Variants in FGF12 observed in about 807,000 individuals in gnomAD.
FGF12 encodes the protein fibroblast growth factor 12B.
A neutral mutation model predicts 23.6 loss-of-function variants in FGF12; 14 were observed. The observed-to-expected ratio is 0.59, with a 90% CI of 0.39 to 0.93. The LOEUF is 0.93. Among genes scored for constraint, FGF12 ranks in the 40% least tolerant of loss-of-function variants. The pLI is 0.00. For synonymous variants in FGF12, 62 were observed against 77.3 expected, an observed-to-expected ratio of 0.80 and a Z score of 1.04; for missense variants, 175 against 217.8, an observed-to-expected ratio of 0.80 and a Z score of 1.24.
At chr3:192,621,159 G>A (rs139471916) in intron 2 of FGF12, among the ~76,000 whole-genome samples, 8 of 152,078 alleles carry the variant, frequency 5.3e-5, no homozygotes, top group East Asian at 1.9e-4. Flanking sequence ...TGATATGTGC[G>A]CTTTTCCCTC....
At chr3:192,158,430 T>TTTTTTC (rs1714634918) in intron 5 of FGF12, among the ~76,000 whole-genome samples, 1 of 143,932 alleles carries the variant, frequency 6.9e-6, no homozygotes, top group Non-Finnish European at 1.5e-5. Flanking sequence ...TCTTTTTCTT[T>TTTTTTC]TTTCTTTCTT....
chr3:192,702,274 A>G (rs1306870942), intron 2 of FGF12, among the ~76,000 whole-genome samples: 1 of 152,166 alleles, frequency 6.6e-6, no homozygotes, highest in Non-Finnish European at 1.5e-5. Flanking sequence ...TTCTATGGAC[A>G]CTTAGGTTGT....
At chr3:192,602,987 C>G (rs1577074522) in intron 2 of FGF12, among the ~76,000 whole-genome samples, 1 of 152,010 alleles carries the variant, frequency 6.6e-6, no homozygotes, top group South Asian at 2.1e-4. Context: ...ATTTAACATC[C>G]CCTCATGATA....
intron 2 of FGF12, among the ~76,000 whole-genome samples, chr3:192,504,179 G>A (rs1400074410): frequency 6.6e-6 from 1 of 151,986 alleles, no homozygotes; most frequent in African/African-American, 2.4e-5. Flanking sequence ...CGGACGCCAG[G>A]GCCTACTTGA....
At chr3:192,522,913 CAAG>C (rs1433936445) in intron 2 of FGF12, among the ~76,000 whole-genome samples, 2 of 152,138 alleles carry the variant, frequency 1.3e-5, no homozygotes, top group Non-Finnish European at 2.9e-5. Flanking sequence ...AAAAGGTACA[CAAG>C]AAATTGGCAT....
intron 2 of FGF12, among the ~76,000 whole-genome samples, chr3:192,561,382 A>C (rs1201071929): frequency 1.3e-5 from 2 of 150,866 alleles, no homozygotes; most frequent in East Asian, 3.9e-4. Flanking sequence ...TTTTTTTTTG[A>C]GACAGAGTCT....
At chr3:192,565,001 A>T (rs1190855206) in intron 2 of FGF12, among the ~76,000 whole-genome samples, 4 of 152,242 alleles carry the variant, frequency 2.6e-5, no homozygotes, top group African/African-American at 9.6e-5. Flanking sequence ...TGTGTGTATT[A>T]AATGAGGTTA....
chr3:192,263,109 T>C (rs548846201), intron 4 of FGF12, among the ~76,000 whole-genome samples: 2 of 152,110 alleles, frequency 1.3e-5, no homozygotes, highest in Non-Finnish European at 2.9e-5. Context: ...ACTCTGTACA[T>C]TCCCTGCAAG....
intron 2 of FGF12, among the ~76,000 whole-genome samples, chr3:192,412,374 C>G (rs910361284): frequency 6.6e-6 from 1 of 152,202 alleles, no homozygotes; most frequent in African/African-American, 2.4e-5. Flanking sequence ...AGGCAGGTAG[C>G]TGTTGCTGTT....
chr3:192,184,298 G>A (rs537637662), intron 4 of FGF12, among the ~76,000 whole-genome samples: 1 of 152,178 alleles, frequency 6.6e-6, no homozygotes, highest in East Asian at 1.9e-4. Context: ...AATGTGCTTC[G>A]GTTAATATAA....
chr3:192,606,256 A>G (rs1714332378), intron 2 of FGF12, among the ~76,000 whole-genome samples: 1 of 152,210 alleles, frequency 6.6e-6, no homozygotes, highest in South Asian at 2.1e-4. Flanking sequence ...TATCCTAAGC[A>G]AATTAATGCA....
intron 2 of FGF12, among the ~76,000 whole-genome samples, chr3:192,470,864 G>A (rs1723153179): frequency 6.6e-6 from 1 of 152,024 alleles, no homozygotes; most frequent in African/African-American, 2.4e-5. Flanking sequence ...TGACCTCCTT[G>A]GGCTTGTGCT....
rs137907948 is a variant in FGF12, at chr3:192,348,866, T to C, written c.124+11562A>G. Among the ~76,000 whole-genome samples the C allele has an allele frequency of 7.7e-4, 117 of 152,286 alleles. 1 individual carries two copies. In the East Asian group the frequency reaches 0.013, roughly 17 times the overall value. ...GATTACAGTACCTTTTATAGGGTTA[T>C]CACAAGACTTAACTGAGTACAATTT... On this transcript the variant is annotated intron_variant, in intron 3 of 5. Coordinates refer to ENST00000445105, the MANE Select transcript of FGF12 (RefSeq NM_004113.6).
intron 2 of FGF12, among the ~76,000 whole-genome samples, chr3:192,528,404 GC>G (rs1187667406): frequency 6.6e-6 from 1 of 152,140 alleles, no homozygotes; most frequent in Non-Finnish European, 1.5e-5. Flanking sequence ...ATGCTCTTGG[GC>G]AGCTCGGCAA....
intron 2 of FGF12, among the ~76,000 whole-genome samples, chr3:192,709,717 T>G (rs1718600943): frequency 6.6e-6 from 1 of 152,178 alleles, no homozygotes; most frequent in Non-Finnish European, 1.5e-5. Flanking sequence ...TTCTGGAAAA[T>G]TATTGCTTGA....
rs1334101584 is a variant in FGF12 at position 192,649,217 on chromosome 3, C to T, written c.13+77964G>A. Among the ~76,000 whole-genome samples the T allele has an allele frequency of 2.6e-5, 4 of 152,214 alleles. No homozygotes were observed. In the East Asian group the frequency reaches 5.8e-4, roughly 22 times the overall value. ...ACTGTGACCTGTGAAGTGATTTCACCTATCCCTTATCCAACAGTAGAGGAT... is the reference window on the plus strand; with the variant it reads ...ACTGTGACCTGTGAAGTGATTTCACTTATCCCTTATCCAACAGTAGAGGAT... On this transcript the variant is annotated intron_variant, in intron 2 of 5. Coordinates refer to ENST00000445105, the MANE Select transcript of FGF12 (RefSeq NM_004113.6).
chr3:192,638,318 G>A (rs1362199986), intron 2 of FGF12, among the ~76,000 whole-genome samples: 3 of 152,136 alleles, frequency 2.0e-5, no homozygotes, highest in Non-Finnish European at 2.9e-5. Context: ...CAAGGATTAA[G>A]TTACTAAATC....
chr3:192,446,016 A>G (rs1052529550), intron 2 of FGF12, among the ~76,000 whole-genome samples: 30 of 152,202 alleles, frequency 2.0e-4, no homozygotes, highest in African/African-American at 7.2e-4. Context: ...GTGTCATTAA[A>G]CAAATTGCTC....
intron 3 of FGF12, among the ~76,000 whole-genome samples, chr3:192,356,510 T>C (rs568008166): frequency 6.6e-6 from 1 of 152,372 alleles, no homozygotes; most frequent in South Asian, 2.1e-4. Flanking sequence ...ATTGTCTTTT[T>C]TGTTCCAGTG....
Sources: gnomAD v4.1 joint callset for allele counts (sites outside exome capture counted in the v4.1 genomes callset) on GRCh38, gnomAD v4.1.1 for gene constraint, MANE v1.5 for transcripts, NCBI Gene and HGNC (gene_info 2026-07-23, HGNC 2026-07-21) for gene names.